The following LONRF1 variants were observed in gnomAD, a reference collection of about 807,000 sequenced individuals.
LONRF1 encodes the protein LON peptidase N-terminal domain and RING finger protein 1.
In LONRF1, 37 loss-of-function variants were observed where a neutral mutation model predicts 85.8. The observed-to-expected ratio is 0.43, with a 90% CI of 0.33 to 0.57. The LOEUF (loss-of-function observed/expected upper bound fraction) is 0.57. Ranked by LOEUF, LONRF1 falls within the 20% of genes least tolerant of loss-of-function variation. The probability of loss-of-function intolerance (pLI) is 0.04; values close to 1 mark genes in which losing one functional copy is unlikely to be tolerated. For synonymous variants in LONRF1, 517 were observed against 390.1 expected (o/e 1.33, Z -3.83); for missense variants, 1,036 against 978.0 (o/e 1.06, Z -0.79).
chr8:12,728,251 A>G (rs1393750488), intron 10 of LONRF1, among the ~76,000 whole-genome samples: 2 of 152,140 alleles, frequency 1.3e-5, no homozygotes, highest in African/African-American at 4.8e-5. Context: ...TGGGTATTGC[A>G]AACATCAAAA....
At chr8:12,734,271 T>G (rs1327898627) in intron 7 of LONRF1, among the ~76,000 whole-genome samples, 1 of 152,204 alleles carries the variant, frequency 6.6e-6, no homozygotes, top group Non-Finnish European at 1.5e-5. Flanking sequence ...CATATCAGCT[T>G]GTTATATATG....
intron 11 of LONRF1, 116 bp downstream of exon 11, chr8:12,725,611 A>T (rs563102442): frequency 1.0e-6 from 1 of 960,738 alleles, no homozygotes; most frequent in African/African-American, 1.6e-5. Flanking sequence ...GGTGCGGGGG[A>T]GGGGACAGTC....
chr8:12,726,426 A>G (rs1266097911), intron 10 of LONRF1, among the ~76,000 whole-genome samples: 1 of 152,236 alleles, frequency 6.6e-6, no homozygotes, highest in Non-Finnish European at 1.5e-5. Context: ...TAAAGCCAGT[A>G]TGTCAGAGAG....
chr8:12,750,929 T>C (rs1799358440), intron 1 of LONRF1, among the ~76,000 whole-genome samples: 1 of 152,356 alleles, frequency 6.6e-6, no homozygotes, highest in Admixed American at 6.5e-5. Context: ...ACTGGGCATT[T>C]ACTCTGTGTC....
chr8:12,746,192 C>G (rs1385251375), intron 1 of LONRF1, among the ~76,000 whole-genome samples: 1 of 152,142 alleles, frequency 6.6e-6, no homozygotes, highest in Non-Finnish European at 1.5e-5. Context: ...AGCTTGCTCA[C>G]TGATCTCCCT....
At chr8:12,732,601 G>A (rs1798569665) in intron 7 of LONRF1, among the ~76,000 whole-genome samples, 1 of 152,162 alleles carries the variant, frequency 6.6e-6, no homozygotes, top group Non-Finnish European at 1.5e-5. Context: ...TCCTGCTTAT[G>A]CAAAACATGT....
chr8:12,745,319 TGG>T (rs1799103576), intron 1 of LONRF1, among the ~76,000 whole-genome samples: 1 of 80,966 alleles, frequency 1.2e-5, no homozygotes, highest in African/African-American at 4.5e-5. Context: ...ATTATTTTTT[TGG>T]AAAAAAAAAA....
intron 8 of LONRF1, among the ~76,000 whole-genome samples, chr8:12,730,089 T>C (rs935689344): frequency 1.3e-5 from 2 of 152,178 alleles, no homozygotes; most frequent in Non-Finnish European, 2.9e-5. Flanking sequence ...GCTATATGAA[T>C]GTTCACTGTA....
intron 4 of LONRF1, 52 bp from the exon 5 acceptor site, chr8:12,737,192 T>C: frequency 6.3e-7 from 1 of 1,586,630 alleles, no homozygotes; most frequent in Non-Finnish European, 8.6e-7. Context: ...TATCCTTTAT[T>C]CCTCTCACCA....
At position 12,728,893 on chromosome 8, in the gene LONRF1, T is replaced by C. The variant is rs1303700739; in HGVS notation, c.2010+8A>G. ...GAAAGTATGCTGGCAAAGCACATTTTAAAATACCTTAACATCTTCCAGATA... is the reference window on the plus strand; with the variant it reads ...GAAAGTATGCTGGCAAAGCACATTTCAAAATACCTTAACATCTTCCAGATA... On this transcript the variant is annotated splice_region_variant and intron_variant, in intron 10 of 11. Coordinates refer to ENST00000398246, the MANE Select transcript of LONRF1 (RefSeq NM_152271.5). 1 of 1,613,746 alleles carries C rather than the reference T, an allele frequency of 6.2e-7. No homozygotes were observed. The highest frequency in any genetic ancestry group is 8.5e-7 in the Non-Finnish European group (1 of 1,179,714).
Position 12,743,204 on chromosome 8 carries a change from T to A in LONRF1, c.800A>T (p.Asp267Val). ...GLQEFKAAIE[D>V]LNAVLFQLPD... ...AAGTTGAAAAAGAACTGCATTTAAA[T>A]CTTCTATGGCTGCTTTAAACTCTTG... The change falls in exon 2 of 12, where the codon GAT becomes GTT. Residue 267 changes from aspartate (D) to valine (V), a missense_variant. Asp to Val is a radical substitution (Grantham distance 152, BLOSUM62 -3). Transcript: ENST00000398246. 1 of 1,613,134 alleles carries A rather than the reference T, an allele frequency of 6.2e-7. No homozygotes were observed. Among genetic ancestry groups the A allele is most frequent in the South Asian group, 1.1e-5 (1 of 91,018 alleles).
At position 12,722,179 on chromosome 8, in the gene LONRF1, C is replaced by G. The variant is rs1336116206; in HGVS notation, c.*917G>C. On this transcript the variant is annotated 3_prime_UTR_variant, in exon 12 of 12. Coordinates refer to ENST00000398246, the MANE Select transcript of LONRF1 (RefSeq NM_152271.5). ...AGCTTAGTTCTATATTAAACTTCTT[C>G]TCTTTTCCCAGATCCTTAATGGGTT... 6.6e-6 allele frequency: 1 copy of G among 152,456 alleles called. No homozygotes were observed. The highest frequency in any genetic ancestry group is 1.5e-5 in the Non-Finnish European group (1 of 68,010). 9.4% of individuals were successfully genotyped at this position (152,456 alleles called of 1,614,324 possible). A position where few individuals can be genotyped will look rare whatever the true frequency, so the allele number is the denominator to read the frequency against.
chr8:12,752,503 G>A (rs1190917732), intron 1 of LONRF1, among the ~76,000 whole-genome samples: 2 of 152,072 alleles, frequency 1.3e-5, no homozygotes, highest in African/African-American at 4.8e-5. Flanking sequence ...CTAAAAATGA[G>A]GAAAAAATAA....
At chr8:12,739,054 A>G (rs1798829696) in intron 3 of LONRF1, among the ~76,000 whole-genome samples, 1 of 152,142 alleles carries the variant, frequency 6.6e-6, no homozygotes, top group Non-Finnish European at 1.5e-5. Context: ...CTGTATATAC[A>G]CATTTACATT....
intron 2 of LONRF1, 71 bp from the exon 3 acceptor site, chr8:12,741,067 G>A: frequency 6.4e-7 from 1 of 1,563,504 alleles, no homozygotes; most frequent in Admixed American, 1.7e-5. Flanking sequence ...ATCAAGTAAA[G>A]AAAAACAATA....
intron 8 of LONRF1, 41 bp from the exon 9 acceptor site, chr8:12,729,373 A>C: frequency 6.3e-7 from 1 of 1,590,326 alleles, no homozygotes; most frequent in Non-Finnish European, 8.6e-7. Context: ...TCATACAAGA[A>C]AAATATTACC....
Position 12,740,851 on chromosome 8 carries a change from G to T in LONRF1, c.963+23C>A, listed in dbSNP as rs780421274. ...CTGCCTCTTAGCCCTACCATGAACT[G>T]TAATTGTTGGTAAACTGATTACCTT... is the stretch of plus-strand genomic sequence containing the variant. On this transcript the variant is annotated intron_variant, in intron 3 of 11. Transcript: ENST00000398246. The T allele has an allele frequency of 4.3e-6, 7 of 1,609,946 alleles. No individual in the cohort carries two copies. The East Asian group carries it at 1.3e-4, about 31-fold the overall frequency.
intron 7 of LONRF1, 131 bp from the exon 8 acceptor site, chr8:12,731,988 G>T: frequency 1.2e-6 from 1 of 854,644 alleles, no homozygotes; most frequent in South Asian, 2.0e-5. Flanking sequence ...TTAGTGAGGG[G>T]AACATTACAA....
intron 3 of LONRF1, among the ~76,000 whole-genome samples, chr8:12,739,849 A>G (rs770973701): frequency 5.3e-5 from 8 of 152,246 alleles, no homozygotes; most frequent in Non-Finnish European, 1.0e-4. Context: ...AACAGACAAT[A>G]GTAAACATTT....
Sources: gnomAD v4.1 joint callset for allele counts (sites outside exome capture counted in the v4.1 genomes callset) on GRCh38, gnomAD v4.1.1 for gene constraint, MANE v1.5 for transcripts, NCBI Gene and HGNC (gene_info 2026-07-23, HGNC 2026-07-21) for gene names.